Variants in IFRD1 observed in about 807,000 individuals in gnomAD.
IFRD1 encodes interferon related developmental regulator 1.
IFRD1 carries 35 observed loss-of-function variants against 52.9 expected under a neutral mutation model. The observed-to-expected ratio is 0.66, with a 90% CI of 0.51 to 0.88. The LOEUF is 0.88. Ranked by LOEUF, IFRD1 falls within the 40% of genes least tolerant of loss-of-function variation. IFRD1 has a pLI of 0.00. For synonymous variants in IFRD1, 184 were observed against 188.4 expected (o/e 0.98, Z 0.19); for missense variants, 517 against 550.8 (o/e 0.94, Z 0.61).
At position 112,462,093 on chromosome 7, in the gene IFRD1, T is replaced by C. The variant is rs760632316; in HGVS notation, c.711T>C (p.Asn237=). 1 of 1,611,070 alleles carries C rather than the reference T, an allele frequency of 6.2e-7. No homozygotes were observed. The highest frequency in any genetic ancestry group is 8.5e-7 in the Non-Finnish European group (1 of 1,177,354). ...KDTTVICSTP[N]TVLHISSLLA... The stretch of plus-strand genomic sequence containing the variant: ...CTACTGTTATTTGCAGCACTCCTAA[T>C]ACAGTGCTTCATATCAGCTCTCTTC... The change falls in exon 7 of 12, where the codon AAT becomes AAC. Residue 237 remains asparagine, a synonymous_variant. Coordinates refer to ENST00000403825, the MANE Select transcript of IFRD1 (RefSeq NM_001550.4).
At position 112,472,366 on chromosome 7, in the gene IFRD1, A is replaced by G; in HGVS notation, c.1170+19A>G. ...CTTGCAGGTAAGTGTCATCCTTTCTACATATTTGCTTTTAAAGTAGGGAGC... is the reference window on the plus strand; with the variant it reads ...CTTGCAGGTAAGTGTCATCCTTTCTGCATATTTGCTTTTAAAGTAGGGAGC... On this transcript the variant is annotated intron_variant, in intron 10 of 11. Coordinates refer to ENST00000403825, the MANE Select transcript of IFRD1 (RefSeq NM_001550.4). The G allele has an allele frequency of 6.2e-7, 1 of 1,613,828 alleles. No homozygotes were observed. Among genetic ancestry groups the G allele is most frequent in the Non-Finnish European group, 8.5e-7 (1 of 1,179,784 alleles).
intron 3 of IFRD1, among the ~76,000 whole-genome samples, chr7:112,456,343 C>G (rs1444399565): frequency 6.6e-6 from 1 of 152,098 alleles, no homozygotes; most frequent in Non-Finnish European, 1.5e-5. Flanking sequence ...ATTATTCTAG[C>G]ATAATAGCAC....
At chr7:112,427,991 G>T (rs1367638194) in intron 1 of IFRD1, among the ~76,000 whole-genome samples, 1 of 152,170 alleles carries the variant, frequency 6.6e-6, no homozygotes, top group East Asian at 1.9e-4. Flanking sequence ...GCTTGATGGG[G>T]GCAGAGGGGT....
At chr7:112,469,818 T>C (rs2117330090) in intron 9 of IFRD1, among the ~76,000 whole-genome samples, 1 of 152,316 alleles carries the variant, frequency 6.6e-6, no homozygotes, top group South Asian at 2.1e-4. Flanking sequence ...AAACCATTCC[T>C]ATCCCATAGT....
Position 112,472,223 on chromosome 7 carries a change from G to A in IFRD1, c.1046G>A (p.Arg349Gln), listed in dbSNP as rs926241278. 5 of 1,613,878 alleles carry A rather than the reference G, an allele frequency of 3.1e-6. No individual in the cohort carries two copies. The highest frequency in any genetic ancestry group is 2.7e-5 in the African/African-American group (2 of 75,008). The stretch of plus-strand genomic sequence containing the variant: ...TTTGGTTCTTCCATTGGTTAGGAAC[G>A]GGATTTTCCAACAGAAACCATTAAA... ...FRDVLRAVEE[R>Q]DFPTETIKFG... Residue 349 changes from arginine to glutamine, a missense_variant, in exon 10 of 12, where the codon CGG becomes CAG. Coordinates refer to ENST00000403825, the MANE Select transcript of IFRD1 (RefSeq NM_001550.4).
intron 10 of IFRD1, 108 bp downstream of exon 10, chr7:112,472,455 A>C: frequency 1.7e-6 from 2 of 1,207,490 alleles, no homozygotes; most frequent in Non-Finnish European, 2.5e-6. Context: ...GTGCTTCCAC[A>C]TGTTAGAAAA....
At chr7:112,457,700 A>T (rs1230371759) in intron 4 of IFRD1, 1 of 152,248 alleles carries the variant, frequency 6.6e-6, no homozygotes, top group African/African-American at 2.4e-5. Flanking sequence ...CAACAAAGCG[A>T]TACTTGGTTT....
At chr7:112,434,149 T>A (rs902212230) in intron 1 of IFRD1, among the ~76,000 whole-genome samples, 1 of 152,194 alleles carries the variant, frequency 6.6e-6, no homozygotes, top group African/African-American at 2.4e-5. Context: ...GATGAGCATG[T>A]CTTGCTCTCT....
chr7:112,439,417 A>G (rs1017975373), intron 1 of IFRD1, among the ~76,000 whole-genome samples: 3 of 152,256 alleles, frequency 2.0e-5, no homozygotes, highest in Non-Finnish European at 4.4e-5. Context: ...TAGATGTAAC[A>G]GTATCAGTTG....
At chr7:112,450,812 A>T (rs377581585) in intron 1 of IFRD1, 30 bp downstream of exon 1, 12 of 1,505,564 alleles carry the variant, frequency 8.0e-6, no homozygotes, top group African/African-American at 2.7e-5. Context: ...CCGGCATCCC[A>T]GTTGCCGGCC....
intron 1 of IFRD1, among the ~76,000 whole-genome samples, chr7:112,441,004 G>A (rs1368793202): frequency 6.6e-6 from 1 of 152,096 alleles, no homozygotes; most frequent in African/African-American, 2.4e-5. Flanking sequence ...AGGCAGGGTG[G>A]CTCACACCTG....
rs398005875 is a variant in IFRD1, at chr7:112,454,857, GTT to G, written c.95-880_95-879del. The stretch of plus-strand genomic sequence containing the variant: ...AAATAATTATTTCATCTTCATATCA[GTT>G]TTTTTTTTTTTTTTTTTTTTTTTTT... On this transcript the variant is annotated intron_variant, in intron 1 of 11. Transcript: ENST00000403825. Among the ~76,000 whole-genome samples the G allele has an allele frequency of 5.3e-3, 414 of 78,724 alleles. 1 individual carries two copies. The highest frequency in any genetic ancestry group is 9.2e-3 in the East Asian group (19 of 2,068). 51.6% of individuals were successfully genotyped at this position (78,724 alleles called of 152,430 possible).
chr7:112,439,714 A>G (rs1191049009), intron 1 of IFRD1, among the ~76,000 whole-genome samples: 1 of 152,190 alleles, frequency 6.6e-6, no homozygotes, highest in Non-Finnish European at 1.5e-5. Flanking sequence ...CTTTCCCTCA[A>G]GCCCTCAACT....
chr7:112,447,383 G>A (rs965839587), upstream of IFRD1, among the ~76,000 whole-genome samples: 1 of 152,196 alleles, frequency 6.6e-6, no homozygotes, highest in Non-Finnish European at 1.5e-5. Context: ...GAGCATGAGA[G>A]TATTTTGCCT....
chr7:112,463,595 CAATTT>C (rs1377905905), intron 8 of IFRD1, among the ~76,000 whole-genome samples: 2 of 152,066 alleles, frequency 1.3e-5, no homozygotes, highest in Non-Finnish European at 2.9e-5. Flanking sequence ...ATTTAGCAAT[CAATTT>C]AATTTTATTG....
At position 112,450,656 on chromosome 7, in the gene IFRD1, G is replaced by A. The variant is rs757102781; in HGVS notation, c.-33G>A. The A allele has an allele frequency of 6.4e-7, 1 of 1,566,056 alleles. No homozygotes were observed. The highest frequency in any genetic ancestry group is 2.2e-5 in the East Asian group (1 of 44,638). On this transcript the variant is annotated 5_prime_UTR_variant, in exon 1 of 12. Coordinates refer to ENST00000403825, the MANE Select transcript of IFRD1 (RefSeq NM_001550.4). ...AGCTCCATCGGCTGATCCTCGCTAA[G>A]CTCCGACTCTGGGCGGCACCGGGCG... is the stretch of plus-strand genomic sequence containing the variant.
intron 1 of IFRD1, among the ~76,000 whole-genome samples, chr7:112,424,903 A>G (rs778703624): frequency 6.6e-6 from 1 of 152,098 alleles, no homozygotes; most frequent in Non-Finnish European, 1.5e-5. Flanking sequence ...ATTTATTGAT[A>G]TTTGTCCTGT....
In IFRD1 at chr7:112,473,029, CGTGTGT is replaced by C. The variant is rs74273594; in HGVS notation, c.1266+201_1266+206del. On this transcript the variant is annotated intron_variant, in intron 11 of 11. Coordinates refer to ENST00000403825, the MANE Select transcript of IFRD1 (RefSeq NM_001550.4). The stretch of plus-strand genomic sequence containing the variant: ...CAGAAAGCATTTAGAGTGTGGGGGG[CGTGTGT>C]GTGTGTGTGTGTGTGTGTGTGTGTG... 7.8e-3 allele frequency among the ~76,000 whole-genome samples: 896 copies of C among 115,224 alleles called. 8 individuals are homozygous for C. The highest frequency in any genetic ancestry group is 0.019 in the African/African-American group (590 of 31,674). The allele number at this position is 115,224 out of a possible 152,430, so 75.6% of individuals were successfully genotyped here.
chr7:112,463,712 T>G (rs79550895), intron 8 of IFRD1, among the ~76,000 whole-genome samples: 5,440 of 152,130 alleles, frequency 0.036, 309 homozygotes, highest in African/African-American at 0.12. Flanking sequence ...TCTTTTCTTT[T>G]TTTTCCTTGG....
Sources: gnomAD v4.1 joint callset for allele counts (sites outside exome capture counted in the v4.1 genomes callset) on GRCh38, gnomAD v4.1.1 for gene constraint, MANE v1.5 for transcripts, NCBI Gene and HGNC (gene_info 2026-07-23, HGNC 2026-07-21) for gene names.